RUVBL1: variants seen among roughly 807,000 people sequenced by gnomAD.
RUVBL1 encodes the protein RuvB like AAA ATPase 1, also known as ruvB-like 1.
In RUVBL1, 4 loss-of-function variants were observed where a neutral mutation model predicts 52.4. The observed-to-expected ratio is 0.08, with a 90% CI of 0.04 to 0.17. RUVBL1 has a LOEUF of 0.17. RUVBL1 is among the 10% of genes least tolerant of loss of function. The probability of loss-of-function intolerance (pLI) is 1.00; values close to 1 mark genes in which losing one functional copy is unlikely to be tolerated. For missense variants in RUVBL1, 298 were observed against 572.8 expected, an observed-to-expected ratio of 0.52 and a Z score of 4.90; for synonymous variants, 217 against 214.4, an observed-to-expected ratio of 1.01 and a Z score of -0.10.
intron 4 of RUVBL1, among the ~76,000 whole-genome samples, chr3:128,103,428 A>G (rs1943150463): frequency 6.6e-6 from 1 of 152,202 alleles, no homozygotes; most frequent in African/African-American, 2.4e-5. Context: ...TGAGATGGAA[A>G]CCCTGTTAGG....
Position 128,087,756 on chromosome 3 carries a change from G to A in RUVBL1, c.1069C>T (p.Arg357Ter), listed in dbSNP as rs949710384. Residue 357 changes from arginine (R) to a stop codon, truncating the protein, a stop_gained, in exon 9 of 11, where the codon CGA becomes TGA. Transcript: ENST00000322623. LOFTEE classifies it high-confidence loss of function. ...AGCATGGTCCGGATTATCATCACTC[G>A]GTCCAGAAGGTCAAGAGGGATGCCG... ...PHGIPLDLLD[R>*]VMIIRTMLYT... 6.2e-7 allele frequency: 1 copy of A among 1,613,976 alleles called. No homozygotes were observed. Among genetic ancestry groups the A allele is most frequent in the Non-Finnish European group, 8.5e-7 (1 of 1,179,972 alleles).
At chr3:128,099,435 A>G (rs1943064627) in intron 6 of RUVBL1, among the ~76,000 whole-genome samples, 1 of 152,232 alleles carries the variant, frequency 6.6e-6, no homozygotes, top group Admixed American at 6.5e-5. Flanking sequence ...CACATGGACT[A>G]TAAGAGTAAG....
intron 1 of RUVBL1, among the ~76,000 whole-genome samples, chr3:128,143,085 C>T (rs1944052229): frequency 1.3e-5 from 2 of 152,012 alleles, no homozygotes; most frequent in South Asian, 2.1e-4. Context: ...CCAGACCCTC[C>T]TGCCACTCTC....
chr3:128,085,458 T>G (rs947542678), intron 9 of RUVBL1, among the ~76,000 whole-genome samples: 2 of 152,228 alleles, frequency 1.3e-5, no homozygotes, highest in Admixed American at 1.3e-4. Context: ...TGGGACTGTT[T>G]CTGCTTCTGC....
At chr3:128,103,482 T>G (rs1193150162) in intron 4 of RUVBL1, among the ~76,000 whole-genome samples, 1 of 152,142 alleles carries the variant, frequency 6.6e-6, no homozygotes, top group Non-Finnish European at 1.5e-5. Flanking sequence ...TTTTATGATC[T>G]CCATAAAGCA....
chr3:128,068,612 G>C (rs1279032049), intron 9 of RUVBL1: 1 of 153,900 alleles, frequency 6.5e-6, no homozygotes, highest in East Asian at 1.9e-4. Flanking sequence ...CCACGCTAGA[G>C]AGGGAGAGGG....
intron 9 of RUVBL1, among the ~76,000 whole-genome samples, chr3:128,085,568 C>T (rs1942620337): frequency 6.6e-6 from 1 of 152,230 alleles, no homozygotes; most frequent in Non-Finnish European, 1.5e-5. Flanking sequence ...GCCATTGACA[C>T]CATCTCCTAG....
chr3:128,095,078 T>C (rs1212588172), intron 8 of RUVBL1, among the ~76,000 whole-genome samples: 2 of 152,214 alleles, frequency 1.3e-5, no homozygotes, highest in East Asian at 3.8e-4. Flanking sequence ...CTAGCAGCCC[T>C]TGATCAAATC....
intron 9 of RUVBL1, among the ~76,000 whole-genome samples, chr3:128,069,106 AAAG>A (rs1417665292): frequency 1.3e-5 from 2 of 152,266 alleles, no homozygotes. Flanking sequence ...AAAAAAGTAA[AAAG>A]AAACAGGTGA....
intron 9 of RUVBL1, chr3:128,068,175 G>A: frequency 1.4e-6 from 1 of 735,804 alleles, no homozygotes; most frequent in East Asian, 2.6e-5. Flanking sequence ...TTATCCTTGG[G>A]TTACAGGACA....
chr3:128,075,137 G>T (rs1200154952), intron 9 of RUVBL1: 1 of 152,196 alleles, frequency 6.6e-6, no homozygotes, highest in Non-Finnish European at 1.5e-5. Context: ...AAAGAGCAAG[G>T]TCCTATTCCA....
chr3:128,107,546 G>A (rs1025351043), intron 3 of RUVBL1, among the ~76,000 whole-genome samples: 2 of 152,108 alleles, frequency 1.3e-5, no homozygotes, highest in African/African-American at 4.8e-5. Flanking sequence ...CTTATCATTG[G>A]GCTGTTTGCC....
rs57182193 is a variant in RUVBL1, at chr3:128,089,909, CAAAAAAAAAAAAAAAA to C, written c.1017-2117_1017-2102del. ...TGGGTGACAGAGTGAGACCCTATCT[CAAAAAAAAAAAAAAAA>C]AAAAAAAAAAAAAAACACAGAAATA... is the stretch of plus-strand genomic sequence containing the variant. On this transcript the variant is annotated intron_variant, in intron 8 of 10. Transcript: ENST00000322623. Among the ~76,000 whole-genome samples the C allele has an allele frequency of 1.5e-3, 90 of 59,354 alleles. 1 individual carries two copies. Among genetic ancestry groups the C allele is most frequent in the Non-Finnish European group, 1.8e-3 (62 of 34,540 alleles). 38.9% of individuals were successfully genotyped at this position (59,354 alleles called of 152,430 possible). A position where few individuals can be genotyped will look rare whatever the true frequency, so the allele number is the denominator to read the frequency against.
At position 128,123,787 on chromosome 3, in the gene RUVBL1, G is replaced by C. The variant is rs1025648266; in HGVS notation, c.-63C>G. 6.6e-6 allele frequency: 10 copies of C among 1,514,414 alleles called. No individual in the cohort carries two copies. The highest frequency in any genetic ancestry group is 8.9e-6 in the Non-Finnish European group (10 of 1,122,952). The allele number at this position is 1,514,414 out of a possible 1,614,324, so 93.8% of individuals were successfully genotyped here. On this transcript the variant is annotated 5_prime_UTR_variant, in exon 1 of 11. Transcript: ENST00000322623. ...CAGCAGCTAGGACAGTGCGCCCGGCGCCTGAGTTACCATGCGGCCGTTACT... is the reference window on the plus strand; with the variant it reads ...CAGCAGCTAGGACAGTGCGCCCGGCCCCTGAGTTACCATGCGGCCGTTACT...
Position 128,082,226 on chromosome 3 carries a change from G to A in RUVBL1, c.1211+257C>T, listed in dbSNP as rs1475853654. 2.2e-6 allele frequency: 1 copy of A among 457,438 alleles called. No homozygotes were observed. The highest frequency in any genetic ancestry group is 4.3e-5 in the East Asian group (1 of 22,992). The allele number at this position is 457,438 out of a possible 1,614,324, so 28.3% of individuals were successfully genotyped here. A position where few individuals can be genotyped will look rare whatever the true frequency, so the allele number is the denominator to read the frequency against. ...TCTTCTCTGCCACAAGAAGGCCCAG[G>A]GTCAAAGCACTCTCCACCAGAGGGG... On this transcript the variant is annotated intron_variant, in intron 10 of 10. Transcript: ENST00000322623. This position sits in a 1 kb window ranked among gnomAD's most constrained non-coding sequence, Gnocchi z 4.7.
chr3:128,114,106 G>A (rs1943460270), intron 2 of RUVBL1, among the ~76,000 whole-genome samples: 1 of 152,224 alleles, frequency 6.6e-6, no homozygotes, highest in African/African-American at 2.4e-5. Context: ...CAAATGTCAA[G>A]TATGGCAAGC....
Position 128,104,934 on chromosome 3 carries a change from G to A in RUVBL1, c.362-10C>T. ...TCCTTTATTCGCAGCCCTGGAAGAG[G>A]TGGCAGAGGGGCCATGGTGAGAAGC... On this transcript the variant is annotated splice_polypyrimidine_tract_variant and intron_variant, in intron 3 of 10. Transcript: ENST00000322623. 6.3e-7 allele frequency: 1 copy of A among 1,590,674 alleles called. No individual in the cohort carries two copies. Among genetic ancestry groups the A allele is most frequent in the Non-Finnish European group, 8.6e-7 (1 of 1,160,482 alleles).
chr3:128,104,479 T>C (rs1255262929), intron 4 of RUVBL1, among the ~76,000 whole-genome samples: 2 of 152,208 alleles, frequency 1.3e-5, no homozygotes, highest in Non-Finnish European at 2.9e-5. Flanking sequence ...GGTCATAATA[T>C]GGGACATGGG....
chr3:128,098,968 T>G, intron 6 of RUVBL1, 23 bp from the exon 7 acceptor site: 3 of 1,602,680 alleles, frequency 1.9e-6, no homozygotes, highest in Non-Finnish European at 2.6e-6. Flanking sequence ...AGACTTAGAG[T>G]CAGTGCTGCT....
Sources: allele counts gnomAD v4.1 joint callset (sites outside exome capture counted in the v4.1 genomes callset), GRCh38; gene constraint gnomAD v4.1.1; non-coding constraint Gnocchi (gnomAD v3.1); transcripts MANE v1.5; gene names NCBI Gene and HGNC (gene_info 2026-07-23, HGNC 2026-07-21).